Variants in XYLT1 observed in about 807,000 individuals in gnomAD.
XYLT1 encodes xylosyltransferase 1, also known as beta-D-xylosyltransferase 1.
XYLT1 carries 36 observed loss-of-function variants against 91.3 expected under a neutral mutation model. The observed-to-expected ratio is 0.39, with a 90% confidence interval of 0.30 to 0.52. The LOEUF is 0.52. Ranked by LOEUF, XYLT1 falls within the 20% of genes least tolerant of loss-of-function variation. The probability of loss-of-function intolerance (pLI) is 0.68; values close to 1 mark genes in which losing one functional copy is unlikely to be tolerated. For missense variants in XYLT1, 1,242 were observed against 1,284.5 expected (o/e 0.97, Z 0.51); for synonymous variants, 588 against 532.0 (o/e 1.11, Z -1.45).
At chr16:17,337,548 C>T (rs2034999326) in intron 2 of XYLT1, among the ~76,000 whole-genome samples, 1 of 152,098 alleles carries the variant, frequency 6.6e-6, no homozygotes, top group African/African-American at 2.4e-5. Flanking sequence ...GGGTGCAGGA[C>T]TTCACGTTGC....
intron 3 of XYLT1, among the ~76,000 whole-genome samples, chr16:17,220,715 C>T (rs1266147580): frequency 6.6e-6 from 1 of 152,200 alleles, no homozygotes; most frequent in Non-Finnish European, 1.5e-5. Flanking sequence ...TCAGGTGAGT[C>T]ACCCGCCTCG....
chr16:17,372,003 C>T (rs1227388780), intron 1 of XYLT1, among the ~76,000 whole-genome samples: 1 of 152,148 alleles, frequency 6.6e-6, no homozygotes, highest in Admixed American at 6.5e-5. Context: ...TTTTGGAATT[C>T]CCTCTGTTCT....
intron 2 of XYLT1, among the ~76,000 whole-genome samples, chr16:17,261,272 T>C (rs1205779382): frequency 6.8e-6 from 1 of 147,034 alleles, no homozygotes; most frequent in African/African-American, 2.5e-5. Flanking sequence ...AAGATGCTCC[T>C]CTAGCCTCTG....
At chr16:17,410,852 G>C (rs2036099052) in intron 1 of XYLT1, among the ~76,000 whole-genome samples, 1 of 152,072 alleles carries the variant, frequency 6.6e-6, no homozygotes, top group Non-Finnish European at 1.5e-5. Context: ...ACGTTGGCCA[G>C]GCTGGTCTCA....
In XYLT1 at chr16:17,294,096, G is replaced by A. The variant is rs183373395; in HGVS notation, c.403-34598C>T. Among the ~76,000 whole-genome samples the A allele has an allele frequency of 1.6e-3, 247 of 152,228 alleles. 1 individual carries two copies. Among genetic ancestry groups the A allele is most frequent in the African/African-American group, 5.5e-3 (230 of 41,538 alleles). ...TAGGAATGCCCTGGGCGACTGTGCT[G>A]AGAATGCAGGAGCAGTTACAAGGCT... On this transcript the variant is annotated intron_variant, in intron 2 of 11. Coordinates refer to ENST00000261381, the MANE Select transcript of XYLT1 (RefSeq NM_022166.4).
intron 2 of XYLT1, among the ~76,000 whole-genome samples, chr16:17,297,368 A>T (rs1039102340): frequency 6.6e-6 from 1 of 151,848 alleles, no homozygotes; most frequent in Admixed American, 6.6e-5. Context: ...GGAGTTCGAG[A>T]ACAGCCTGGG....
chr16:17,117,254 C>T (rs1397495285), intron 11 of XYLT1, among the ~76,000 whole-genome samples: 2 of 152,186 alleles, frequency 1.3e-5, no homozygotes, highest in Non-Finnish European at 2.9e-5. Flanking sequence ...TGTGGTTCAT[C>T]TTTTCCACCT....
At chr16:17,333,965 G>C (rs1275351269) in intron 2 of XYLT1, among the ~76,000 whole-genome samples, 1 of 152,148 alleles carries the variant, frequency 6.6e-6, no homozygotes, top group African/African-American at 2.4e-5. Flanking sequence ...GAAGAGTTCC[G>C]CTATCATGCA....
rs187789669 is a variant in XYLT1 at position 17,260,724 on chromosome 16, C to T, written c.403-1226G>A. ...CCATACCTGTCCATTTGTGTATTGT[C>T]CATGGCTGCTTTCCTGATACAATAG... On this transcript the variant is annotated intron_variant, in intron 2 of 11. Coordinates refer to ENST00000261381, the MANE Select transcript of XYLT1 (RefSeq NM_022166.4). Among the ~76,000 whole-genome samples the T allele has an allele frequency of 6.2e-4, 94 of 152,296 alleles. 1 individual carries two copies. Among genetic ancestry groups the T allele is most frequent in the Non-Finnish European group, 1.1e-3 (78 of 68,018 alleles).
At chr16:17,380,776 T>A (rs1487136811) in intron 1 of XYLT1, among the ~76,000 whole-genome samples, 1 of 152,020 alleles carries the variant, frequency 6.6e-6, no homozygotes, top group Non-Finnish European at 1.5e-5. Flanking sequence ...TCTGCGTGGA[T>A]AAACCAAATG....
intron 2 of XYLT1, among the ~76,000 whole-genome samples, chr16:17,338,849 T>C (rs1268036571): frequency 6.6e-6 from 1 of 152,194 alleles, no homozygotes; most frequent in African/African-American, 2.4e-5. Flanking sequence ...CCTCCCAAAG[T>C]GCTGGGATTA....
chr16:17,163,220 T>G (rs1266234254), intron 5 of XYLT1, among the ~76,000 whole-genome samples: 1 of 152,190 alleles, frequency 6.6e-6, no homozygotes, highest in East Asian at 1.9e-4. Flanking sequence ...CCAAGGTCCC[T>G]TCCCAGCTGG....
chr16:17,381,569 G>A (rs2035681232), intron 1 of XYLT1, among the ~76,000 whole-genome samples: 1 of 151,688 alleles, frequency 6.6e-6, no homozygotes, highest in Non-Finnish European at 1.5e-5. Context: ...TGGGATTACA[G>A]GCATGCACCA....
intron 3 of XYLT1, among the ~76,000 whole-genome samples, chr16:17,231,592 C>T (rs1035004717): frequency 1.3e-5 from 2 of 152,174 alleles, no homozygotes; most frequent in Non-Finnish European, 2.9e-5. Flanking sequence ...GAGACTATCA[C>T]AGAGCGCAGT....
intron 3 of XYLT1, among the ~76,000 whole-genome samples, chr16:17,234,657 C>T (rs781178357): frequency 6.6e-5 from 10 of 150,878 alleles, no homozygotes; most frequent in Admixed American, 2.6e-4. Flanking sequence ...TCGAAGAACC[C>T]TCCCCATGTG....
At chr16:17,300,607 C>A (rs377194363) in intron 2 of XYLT1, among the ~76,000 whole-genome samples, 1 of 147,388 alleles carries the variant, frequency 6.8e-6, no homozygotes, top group South Asian at 2.1e-4. Flanking sequence ...CAGGCACCTG[C>A]CACCATACCT....
intron 2 of XYLT1, among the ~76,000 whole-genome samples, chr16:17,291,985 A>G (rs1434368270): frequency 3.3e-5 from 5 of 151,970 alleles, no homozygotes; most frequent in Non-Finnish European, 5.9e-5. Flanking sequence ...CCAGGAGTTC[A>G]AGACCAGCCT....
At chr16:17,327,149 T>A (rs2034817156) in intron 2 of XYLT1, among the ~76,000 whole-genome samples, 1 of 152,216 alleles carries the variant, frequency 6.6e-6, no homozygotes, top group Admixed American at 6.5e-5. Context: ...TGTATGTGTA[T>A]ATCAAATCAT....
intron 1 of XYLT1, among the ~76,000 whole-genome samples, chr16:17,454,595 G>A (rs2036711477): frequency 6.6e-6 from 1 of 150,716 alleles, no homozygotes; most frequent in African/African-American, 2.4e-5. Flanking sequence ...GAAGTACAGT[G>A]GCACAATCTT....
Sources: gnomAD v4.1 joint callset for allele counts (sites outside exome capture counted in the v4.1 genomes callset) on GRCh38, gnomAD v4.1.1 for gene constraint, MANE v1.5 for transcripts, NCBI Gene and HGNC (gene_info 2026-07-23, HGNC 2026-07-21) for gene names.